The following TUNAR variants were observed in gnomAD, a reference collection of about 807,000 sequenced individuals.
TUNAR encodes transmembrane neural differentiation associated intracellular calcium regulator, also known as protein TUNAR.
intron 2 of TUNAR, among the ~76,000 whole-genome samples, chr14:95,892,033 T>A (rs1889187434): frequency 6.6e-6 from 1 of 152,276 alleles, no homozygotes; most frequent in South Asian, 2.1e-4. Context: ...CCCTGACTCA[T>A]GTGACCAGAT....
At chr14:95,916,744 T>A (rs561147920) in intron 2 of TUNAR, among the ~76,000 whole-genome samples, 1 of 152,382 alleles carries the variant, frequency 6.6e-6, no homozygotes, top group South Asian at 2.1e-4. Context: ...CTGCCATAGG[T>A]ATCTGAGAGT....
At chr14:95,904,595 A>G (rs538783772) in intron 2 of TUNAR, among the ~76,000 whole-genome samples, 21 of 152,294 alleles carry the variant, frequency 1.4e-4, no homozygotes, top group African/African-American at 5.1e-4. Context: ...GAGTCCTAAG[A>G]GGTGGGCCAC....
chr14:95,920,090 C>T (rs372400235), intron 2 of TUNAR, among the ~76,000 whole-genome samples: 5 of 152,130 alleles, frequency 3.3e-5, no homozygotes, highest in East Asian at 1.9e-4. Context: ...TAAGAGTGAA[C>T]GAGCCACAGC....
At chr14:95,880,064 A>G (rs1171644420) in intron 2 of TUNAR, among the ~76,000 whole-genome samples, 2 of 152,162 alleles carry the variant, frequency 1.3e-5, no homozygotes, top group Non-Finnish European at 2.9e-5. Context: ...TCAGTTGTTC[A>G]TTGGCTTTGT....
chr14:95,916,434 C>A (rs1485087920), intron 2 of TUNAR, among the ~76,000 whole-genome samples: 4 of 152,204 alleles, frequency 2.6e-5, no homozygotes, highest in African/African-American at 9.7e-5. Context: ...GCAATTCATC[C>A]ATGCGATGGC....
chr14:95,902,782 C>T (rs1016048380), intron 2 of TUNAR, among the ~76,000 whole-genome samples: 5 of 152,334 alleles, frequency 3.3e-5, no homozygotes, highest in Non-Finnish European at 4.4e-5. Context: ...ACGGTGTCAC[C>T]TCCACCTTCC....
rs181538334 is a variant in TUNAR, at chr14:95,909,505, G to A, written c.13-13276G>A. ...TCACCGTGTTAACCAGGATGGTCTC[G>A]ATCTCCTGACCTCGTGATCCACCCG... On this transcript the variant is annotated intron_variant, in intron 2 of 2. Transcript: ENST00000678517. 2.7e-3 allele frequency among the ~76,000 whole-genome samples: 412 copies of A among 152,086 alleles called. 2 individuals are homozygous for A. Among genetic ancestry groups the A allele is most frequent in the African/African-American group, 9.4e-3 (391 of 41,496 alleles).
chr14:95,886,229 C>T (rs367923068), intron 2 of TUNAR, among the ~76,000 whole-genome samples: 2 of 152,232 alleles, frequency 1.3e-5, no homozygotes, highest in East Asian at 3.8e-4. Context: ...GAGCTTCCCC[C>T]AGCAGTGGGC....
chr14:95,909,346 C>T (rs1464414633), intron 2 of TUNAR, among the ~76,000 whole-genome samples: 8 of 147,136 alleles, frequency 5.4e-5, no homozygotes, highest in South Asian at 2.2e-4. Context: ...TGCAGTGGCA[C>T]GATCTCGGCT....
chr14:95,916,746 T>C (rs2139671613), intron 2 of TUNAR, among the ~76,000 whole-genome samples: 2 of 152,374 alleles, frequency 1.3e-5, no homozygotes, highest in Middle Eastern at 3.4e-3. Context: ...GCCATAGGTA[T>C]CTGAGAGTCC....
At chr14:95,924,291 T>C (rs1486922422) in exon 3 of TUNAR, 1 of 152,208 alleles carries the variant, frequency 6.6e-6, no homozygotes, top group East Asian at 1.9e-4. Context: ...ATTTAATGAT[T>C]GCCCTAAAGG....
rs375803983 is a variant in TUNAR at position 95,908,521 on chromosome 14, C to T, written c.13-14260C>T. On this transcript the variant is annotated intron_variant, in intron 2 of 2. Transcript: ENST00000678517. ...AACTTACTGAGGACTCTCATATACGCTGCCTCGTTTTGTCCTCTAACAACA... is the reference window on the plus strand; with the variant it reads ...AACTTACTGAGGACTCTCATATACGTTGCCTCGTTTTGTCCTCTAACAACA... 1.6e-4 allele frequency among the ~76,000 whole-genome samples: 24 copies of T among 152,360 alleles called. 1 individual carries two copies. Among genetic ancestry groups the T allele is most frequent in the African/African-American group, 3.4e-4 (14 of 41,580 alleles).
At chr14:95,900,284 G>C (rs967461892) in intron 2 of TUNAR, among the ~76,000 whole-genome samples, 5 of 152,256 alleles carry the variant, frequency 3.3e-5, no homozygotes, top group Non-Finnish European at 7.3e-5. Context: ...CGAAGGGAAG[G>C]CTGCGCTGCT....
chr14:95,892,166 G>A (rs1015297714), intron 2 of TUNAR, among the ~76,000 whole-genome samples: 1 of 152,208 alleles, frequency 6.6e-6, no homozygotes, highest in African/African-American at 2.4e-5. Flanking sequence ...CGCTGCCAGG[G>A]GGCCCCTGGT....
At chr14:95,904,877 C>G (rs1334506395) in intron 2 of TUNAR, among the ~76,000 whole-genome samples, 1 of 152,198 alleles carries the variant, frequency 6.6e-6, no homozygotes, top group African/African-American at 2.4e-5. Flanking sequence ...GCAGGATGTT[C>G]CAGAGATCCC....
chr14:95,883,026 T>G (rs1889006379), intron 2 of TUNAR, among the ~76,000 whole-genome samples: 1 of 152,208 alleles, frequency 6.6e-6, no homozygotes, highest in South Asian at 2.1e-4. Flanking sequence ...CTATTATCCT[T>G]TAATTTGTTC....
intron 2 of TUNAR, among the ~76,000 whole-genome samples, chr14:95,898,593 G>A (rs1007656760): frequency 3.3e-5 from 5 of 151,912 alleles, no homozygotes; most frequent in African/African-American, 1.2e-4. Flanking sequence ...TCGAGATTTT[G>A]TTGACTTCAT....
chr14:95,909,269 C>T (rs1889474514), intron 2 of TUNAR, among the ~76,000 whole-genome samples: 1 of 150,388 alleles, frequency 6.6e-6, no homozygotes, highest in Non-Finnish European at 1.5e-5. Context: ...CAAGGTTATC[C>T]TTGCTGCCAT....
At chr14:95,907,140 T>G (rs1399168224) in intron 2 of TUNAR, among the ~76,000 whole-genome samples, 4 of 152,166 alleles carry the variant, frequency 2.6e-5, no homozygotes, top group Non-Finnish European at 5.9e-5. Context: ...CCTCCTTCCT[T>G]TTTGCCACCA....
Sources: allele counts gnomAD v4.1 joint callset (sites outside exome capture counted in the v4.1 genomes callset), GRCh38; gene constraint gnomAD v4.1.1; transcripts MANE v1.5; gene names NCBI Gene and HGNC (gene_info 2026-07-23, HGNC 2026-07-21).